CNTN4: variants seen among roughly 807,000 people sequenced by gnomAD.
The protein encoded by CNTN4 is contactin-4.
CNTN4 carries 77 observed loss-of-function variants against 122.5 expected under a neutral mutation model. That is an observed-to-expected ratio of 0.63 (90% confidence interval 0.52 to 0.76). The LOEUF is 0.76. Among genes scored for constraint, CNTN4 ranks in the 30% least tolerant of loss-of-function variants. CNTN4 has a pLI of 0.00. For synonymous variants in CNTN4, 512 were observed against 447.0 expected (o/e 1.15, Z -1.83); for missense variants, 1,256 against 1,259.1 (o/e 1.00, Z 0.04).
At chr3:2,969,524 T>C (rs1195929600) in intron 13 of CNTN4, among the ~76,000 whole-genome samples, 1 of 152,000 alleles carries the variant, frequency 6.6e-6, no homozygotes, top group Non-Finnish European at 1.5e-5. Flanking sequence ...GGGATTATTA[T>C]TATTATTATT....
chr3:2,575,931 C>T (rs905892098), intron 4 of CNTN4, among the ~76,000 whole-genome samples: 5 of 150,616 alleles, frequency 3.3e-5, no homozygotes, highest in Admixed American at 1.3e-4. Flanking sequence ...ACACCATTCT[C>T]CTGCATCAGC....
At chr3:2,230,447 T>C (rs917377973) in intron 2 of CNTN4, among the ~76,000 whole-genome samples, 5 of 152,154 alleles carry the variant, frequency 3.3e-5, no homozygotes, top group African/African-American at 1.2e-4. Flanking sequence ...ACTTTCTGAT[T>C]TCAACACCGT....
Position 2,824,459 on chromosome 3 carries a change from AAAAAAC to A in CNTN4, c.454+4901_454+4906del, listed in dbSNP as rs374213312. On this transcript the variant is annotated intron_variant, in intron 7 of 24. Coordinates refer to ENST00000418658, the MANE Select transcript of CNTN4 (RefSeq NM_175607.3). ...GCGACAGAGCGAGACTCTGGCTCAA[AAAAAAC>A]AAAAACAAAAACAAAAACAAAACTG... 4.6e-3 allele frequency among the ~76,000 whole-genome samples: 701 copies of A among 151,540 alleles called. 6 individuals carry two copies. Among genetic ancestry groups the A allele is most frequent in the African/African-American group, 0.015 (624 of 41,206 alleles).
At chr3:2,738,814 A>T (rs976145322) in intron 5 of CNTN4, among the ~76,000 whole-genome samples, 15 of 152,104 alleles carry the variant, frequency 9.9e-5, no homozygotes, top group Admixed American at 2.6e-4. Context: ...TTAAAAGCAG[A>T]TGGGTTTACA....
At chr3:2,866,604 G>A in intron 7 of CNTN4, 148 bp from the exon 8 acceptor site, 1 of 1,110,636 alleles carries the variant, frequency 9.0e-7, no homozygotes. Flanking sequence ...ACGGGGGACT[G>A]TGATTACTTC....
rs866336687 is a variant in CNTN4 at position 2,729,567 on chromosome 3, G to C, written c.56-6648G>C. On this transcript the variant is annotated intron_variant, in intron 4 of 24. Transcript: ENST00000418658. ...TCAAAAAAAAAAAAAAAAAAAAGAA[G>C]AGAAAAGAAAAATGAAAGTTGTCTG... Among the ~76,000 whole-genome samples the C allele has an allele frequency of 6.1e-5, 8 of 131,470 alleles. 1 individual carries two copies. Among genetic ancestry groups the C allele is most frequent in the Middle Eastern group, 9.7e-3 (2 of 206 alleles). 86.2% of individuals were successfully genotyped at this position (131,470 alleles called of 152,430 possible).
intron 3 of CNTN4, among the ~76,000 whole-genome samples, chr3:2,376,598 T>C (rs1383351598): frequency 6.6e-6 from 1 of 151,920 alleles, no homozygotes; most frequent in African/African-American, 2.4e-5. Flanking sequence ...TCACTGTTTT[T>C]AGGTCTTTCT....
chr3:3,038,111 AC>A (rs1699781090), intron 18 of CNTN4, among the ~76,000 whole-genome samples: 1 of 152,232 alleles, frequency 6.6e-6, no homozygotes, highest in Admixed American at 6.5e-5. Flanking sequence ...ATTGGCTTTA[AC>A]CAAGGAGACA....
At chr3:3,003,045 T>C (rs1056147296) in intron 14 of CNTN4, among the ~76,000 whole-genome samples, 8 of 152,122 alleles carry the variant, frequency 5.3e-5, no homozygotes, top group South Asian at 2.1e-4. Flanking sequence ...CCAGGCTGAA[T>C]AGAACTGATG....
intron 4 of CNTN4, among the ~76,000 whole-genome samples, chr3:2,591,853 A>G (rs894493453): frequency 1.3e-5 from 2 of 152,172 alleles, no homozygotes; most frequent in Non-Finnish European, 2.9e-5. Flanking sequence ...ACTAAGAAGC[A>G]ATCATTGAAA....
chr3:2,173,797 A>C (rs1481083259), intron 2 of CNTN4, among the ~76,000 whole-genome samples: 2 of 152,196 alleles, frequency 1.3e-5, no homozygotes, highest in Non-Finnish European at 2.9e-5. Context: ...AATCCAGTTG[A>C]CTTGAACTCT....
intron 3 of CNTN4, among the ~76,000 whole-genome samples, chr3:2,415,273 T>A (rs774084944): frequency 7.9e-5 from 12 of 152,214 alleles, no homozygotes; most frequent in Non-Finnish European, 1.6e-4. Flanking sequence ...AACAGTATTT[T>A]ATAAAAGTAT....
chr3:2,918,290 AG>A (rs1339682680), intron 12 of CNTN4, among the ~76,000 whole-genome samples: 16 of 152,344 alleles, frequency 1.1e-4, no homozygotes, highest in African/African-American at 3.8e-4. Flanking sequence ...ACAAAGCCTC[AG>A]GGAACACATT....
chr3:2,170,256 C>T (rs1040713333), intron 2 of CNTN4, among the ~76,000 whole-genome samples: 4 of 151,506 alleles, frequency 2.6e-5, no homozygotes, highest in African/African-American at 7.3e-5. Context: ...GGAGGCGGAG[C>T]TTGCAGTGAG....
intron 2 of CNTN4, among the ~76,000 whole-genome samples, chr3:2,225,340 C>T (rs990296049): frequency 5.9e-5 from 9 of 151,534 alleles, no homozygotes; most frequent in Middle Eastern, 3.4e-3. Flanking sequence ...TGGTGAAACC[C>T]CCTCTCTACT....
intron 6 of CNTN4, among the ~76,000 whole-genome samples, chr3:2,765,397 GACATTT>G (rs2090809415): frequency 6.6e-6 from 1 of 152,206 alleles, no homozygotes; most frequent in African/African-American, 2.4e-5. Context: ...GGGTTAAGAA[GACATTT>G]CTCCTGGCTC....
At chr3:2,394,784 G>GTTTTTTTTTTTT (rs56027529) in intron 3 of CNTN4, among the ~76,000 whole-genome samples, 1 of 108,488 alleles carries the variant, frequency 9.2e-6, no homozygotes, top group Non-Finnish European at 1.8e-5. Context: ...CCTTATATTA[G>GTTTTTTTTTTTT]TTTTTTTTTT....
intron 7 of CNTN4, among the ~76,000 whole-genome samples, chr3:2,839,619 A>G (rs778839902): frequency 6.6e-6 from 1 of 152,196 alleles, no homozygotes; most frequent in Non-Finnish European, 1.5e-5. Flanking sequence ...CTGCAGTTGA[A>G]TTGAAGTGAA....
chr3:2,647,244 G>A (rs2083166198), intron 4 of CNTN4, among the ~76,000 whole-genome samples: 1 of 152,054 alleles, frequency 6.6e-6, no homozygotes, highest in African/African-American at 2.4e-5. Flanking sequence ...AGCCAGGCAT[G>A]GTTGTGGACG....
Sources: allele counts gnomAD v4.1 joint callset (sites outside exome capture counted in the v4.1 genomes callset), GRCh38; gene constraint gnomAD v4.1.1; transcripts MANE v1.5; gene names NCBI Gene and HGNC (gene_info 2026-07-23, HGNC 2026-07-21).